ACAD9: variants seen among roughly 807,000 people sequenced by gnomAD.
ACAD9 encodes acyl-CoA dehydrogenase family member 9.
A neutral mutation model predicts 70.2 loss-of-function variants in ACAD9; 53 were observed. That is an observed-to-expected ratio of 0.75 (90% CI 0.61 to 0.95). The LOEUF (loss-of-function observed/expected upper bound fraction) is 0.95. Among genes scored for constraint, ACAD9 ranks in the 40% least tolerant of loss-of-function variants. The probability of loss-of-function intolerance (pLI) is 0.00; values close to 1 mark genes in which losing one functional copy is unlikely to be tolerated. For missense variants in ACAD9, 777 were observed against 802.8 expected (o/e 0.97, Z 0.39); for synonymous variants, 313 against 312.1 (o/e 1.00, Z -0.03).
chr3:128,901,435 A>T, intron 8 of ACAD9, 86 bp downstream of exon 8: 1 of 1,432,542 alleles, frequency 7.0e-7, no homozygotes, highest in Non-Finnish European at 9.8e-7. Context: ...CCCTGCTCGT[A>T]GCAGAGTAGC....
At chr3:128,889,848 G>T (rs539020379) in intron 2 of ACAD9, among the ~76,000 whole-genome samples, 197 of 152,152 alleles carry the variant, frequency 1.3e-3, no homozygotes, top group Non-Finnish European at 2.1e-3. Context: ...AAGAGACAGG[G>T]TCTTTCTTTG....
intron 2 of ACAD9, among the ~76,000 whole-genome samples, chr3:128,888,191 A>G (rs1935309800): frequency 6.6e-6 from 1 of 152,214 alleles, no homozygotes; most frequent in Non-Finnish European, 1.5e-5. Context: ...ACTTTGGACT[A>G]TATATTGGAC....
intron 17 of ACAD9, among the ~76,000 whole-genome samples, chr3:128,912,246 C>T (rs1256362764): frequency 1.3e-5 from 2 of 152,116 alleles, no homozygotes; most frequent in South Asian, 2.1e-4. Context: ...GGGCTGTTTA[C>T]GGAGCAAGTG....
At chr3:128,896,398 C>T (rs1386481307) in intron 4 of ACAD9, 38 bp from the exon 5 acceptor site, 2 of 1,588,740 alleles carry the variant, frequency 1.3e-6, no homozygotes, top group Non-Finnish European at 1.7e-6. Context: ...TCTCCTTTCT[C>T]CCCACAGCTG....
At chr3:128,882,809 C>T (rs1260115851) in intron 1 of ACAD9, among the ~76,000 whole-genome samples, 1 of 152,240 alleles carries the variant, frequency 6.6e-6, no homozygotes, top group Non-Finnish European at 1.5e-5. Flanking sequence ...ATTGAACTCT[C>T]CTCCCCTAAG....
At chr3:128,897,821 A>G (rs1459250087) in intron 6 of ACAD9, 111 bp downstream of exon 6, 9 of 1,000,098 alleles carry the variant, frequency 9.0e-6, no homozygotes, top group African/African-American at 4.8e-5. Context: ...AGCACCGACT[A>G]CCTTCTTGAG....
In ACAD9 at chr3:128,890,332, C is replaced by T. The variant is rs145794225; in HGVS notation, c.245-3223C>T. Among the ~76,000 whole-genome samples the T allele has an allele frequency of 1.4e-3, 210 of 152,224 alleles. 2 individuals carry two copies. The highest frequency in any genetic ancestry group is 8.4e-3 in the East Asian group (43 of 5,138). On this transcript the variant is annotated intron_variant, in intron 2 of 17. Coordinates refer to ENST00000308982, the MANE Select transcript of ACAD9 (RefSeq NM_014049.5). ...AACTCCTGACCTCAGGTGATCTGCC[C>T]GACTCGGCCTCCCATAGTGCTCGGA...
At chr3:128,881,553 C>G (rs1323237379) in intron 1 of ACAD9, among the ~76,000 whole-genome samples, 1 of 152,222 alleles carries the variant, frequency 6.6e-6, no homozygotes, top group East Asian at 1.9e-4. Flanking sequence ...GCATCATTAA[C>G]TGTTCTCTCT....
intron 1 of ACAD9, among the ~76,000 whole-genome samples, chr3:128,880,736 C>T (rs1935065800): frequency 6.6e-6 from 1 of 152,144 alleles, no homozygotes; most frequent in Non-Finnish European, 1.5e-5. Context: ...GTGTCTCCTT[C>T]ACAGATGTGT....
At chr3:128,899,257 T>A in intron 6 of ACAD9, 30 bp from the exon 7 acceptor site, 9 of 1,613,510 alleles carry the variant, frequency 5.6e-6, no homozygotes, top group Non-Finnish European at 7.6e-6. Context: ...GGGGTTTGGT[T>A]TTCTCCAAAG....
In ACAD9 at chr3:128,912,732, C is replaced by G. The variant is rs771161833; in HGVS notation, c.*125C>G. ...TTAAGCCTTTTGTTCCCCGTCTGCA[C>G]CTGAAGGGTTGTCGCCTGGCCTGGG... is the stretch of plus-strand genomic sequence containing the variant. On this transcript the variant is annotated 3_prime_UTR_variant, in exon 18 of 18. Coordinates refer to ENST00000308982, the MANE Select transcript of ACAD9 (RefSeq NM_014049.5). 1.1e-6 allele frequency: 1 copy of G among 935,980 alleles called. No individual in the cohort carries two copies. Among genetic ancestry groups the G allele is most frequent in the African/African-American group, 1.6e-5 (1 of 62,204 alleles). 58.0% of individuals were successfully genotyped at this position (935,980 alleles called of 1,614,324 possible).
At chr3:128,893,067 C>T (rs1381868452) in intron 2 of ACAD9, among the ~76,000 whole-genome samples, 1 of 151,920 alleles carries the variant, frequency 6.6e-6, no homozygotes, top group South Asian at 2.1e-4. Context: ...TTATTCTGGC[C>T]GGGCGTGGTG....
Position 128,906,148 on chromosome 3 carries a change from T to G in ACAD9, c.1177T>G (p.Cys393Gly). The G allele has an allele frequency of 5.0e-6, 8 of 1,614,202 alleles. No individual in the cohort carries two copies. Among genetic ancestry groups the G allele is most frequent in the Non-Finnish European group, 6.8e-6 (8 of 1,180,032 alleles). The change falls in exon 12 of 18, where the codon TGT (cysteine) becomes GGT (glycine). Residue 393 changes from cysteine (C) to glycine (G), a missense_variant. Cys to Gly is a radical substitution (Grantham distance 159). Transcript: ENST00000308982. The stretch of plus-strand genomic sequence containing the variant: ...GTTCAGCTCCGAGGCCGCCTGGCAG[T>G]GTGTGAGTGAGGCGCTGCAGATCCT... ...KVFSSEAAWQ[C>G]VSEALQILGG...
In ACAD9 at chr3:128,893,386, A is replaced by T. The variant is rs6806468; in HGVS notation, c.245-169A>T. 21,921 of 579,924 alleles carry T rather than the reference A, an allele frequency of 0.038. 2,074 individuals carry two copies. The highest frequency in any genetic ancestry group is 0.27 in the African/African-American group (14,156 of 52,792). 35.9% of individuals were successfully genotyped at this position (579,924 alleles called of 1,614,324 possible). On this transcript the variant is annotated intron_variant, in intron 2 of 17. Transcript: ENST00000308982. ...TAAAAATAAAATTTTTCCTGGGCTC[A>T]TTACATAAAATTGAACACAGGCCAA...
chr3:128,910,206 T>A, intron 16 of ACAD9, 57 bp downstream of exon 16: 1 of 1,611,352 alleles, frequency 6.2e-7, no homozygotes, highest in Non-Finnish European at 8.5e-7. Context: ...CCTGCTGCAC[T>A]TTAATGAAGT....
intron 1 of ACAD9, among the ~76,000 whole-genome samples, chr3:128,881,959 A>G (rs1017926213): frequency 4.6e-5 from 7 of 152,088 alleles, no homozygotes; most frequent in Admixed American, 1.3e-4. Flanking sequence ...AATATCATCA[A>G]TATCCTGATG....
Position 128,879,722 on chromosome 3 carries a change from A to G in ACAD9, c.31A>G (p.Thr11Ala), listed in dbSNP as rs751819378. Residue 11 changes from threonine to alanine, a missense_variant, in exon 1 of 18, where the codon ACG (threonine) becomes GCG (alanine). Coordinates refer to ENST00000308982, the MANE Select transcript of ACAD9 (RefSeq NM_014049.5). ...CGGCTGCGGGCTCTTCCTGCGCACC[A>G]CGGCTGCGGCTCGTGCCTGCCGGGG... MSGCGLFLRT[T>A]AAARACRGLV... 4 of 1,612,810 alleles carry G rather than the reference A, an allele frequency of 2.5e-6. No homozygotes were observed. Among genetic ancestry groups the G allele is most frequent in the South Asian group, 2.2e-5 (2 of 91,044 alleles).
chr3:128,880,094 C>G (rs1935043029), intron 1 of ACAD9: 8 of 1,380,296 alleles, frequency 5.8e-6, no homozygotes, highest in East Asian at 2.7e-5. Flanking sequence ...CAGGGGAATT[C>G]GGAAAACTCT....
chr3:128,905,976 C>A, intron 11 of ACAD9, 145 bp from the exon 12 acceptor site: 1 of 1,091,696 alleles, frequency 9.2e-7, no homozygotes, highest in Non-Finnish European at 1.4e-6. Context: ...TCACGGAAGG[C>A]AAAGGACTTG....
Sources: gnomAD v4.1 joint callset for allele counts (sites outside exome capture counted in the v4.1 genomes callset) on GRCh38, gnomAD v4.1.1 for gene constraint, MANE v1.5 for transcripts, NCBI Gene and HGNC (gene_info 2026-07-23, HGNC 2026-07-21) for gene names.